Variants in LEKR1 observed in about 807,000 individuals in gnomAD.
LEKR1 encodes the protein protein LEKR1.
A neutral mutation model predicts 72.4 loss-of-function variants in LEKR1; 59 were observed. That is an observed-to-expected ratio of 0.82 (90% confidence interval 0.66 to 1.01). The LOEUF (loss-of-function observed/expected upper bound fraction) is 1.01, where lower values mean the gene tolerates loss of function less well. Ranked by LOEUF, LEKR1 falls within the 50% of genes least tolerant of loss-of-function variation. The pLI is 0.00. For missense variants in LEKR1, 728 were observed against 759.2 expected, an observed-to-expected ratio of 0.96 and a Z score of 0.48; for synonymous variants, 257 against 263.2, an observed-to-expected ratio of 0.98 and a Z score of 0.23.
chr3:157,031,277 G>C (rs1479699830), intron 12 of LEKR1, among the ~76,000 whole-genome samples: 1 of 152,096 alleles, frequency 6.6e-6, no homozygotes, highest in African/African-American at 2.4e-5. Context: ...AAAAAATGTG[G>C]ACTGAAAGAC....
At chr3:157,030,834 G>C (rs1286244031) in intron 12 of LEKR1, among the ~76,000 whole-genome samples, 1 of 152,148 alleles carries the variant, frequency 6.6e-6, no homozygotes, top group East Asian at 1.9e-4. Context: ...TTGGCCAGAG[G>C]CTTCCCTCAG....
intron 9 of LEKR1, among the ~76,000 whole-genome samples, chr3:156,996,546 A>G (rs1275569784): frequency 6.6e-6 from 1 of 152,228 alleles, no homozygotes; most frequent in Non-Finnish European, 1.5e-5. Context: ...ACACTGTAGA[A>G]AAATCATTCT....
At chr3:156,998,926 C>G (rs74535237) in intron 9 of LEKR1, among the ~76,000 whole-genome samples, 2,853 of 152,202 alleles carry the variant, frequency 0.019, 68 homozygotes, top group East Asian at 0.1. Flanking sequence ...TTGTAGTTCC[C>G]ATAATCCCCA....
intron 12 of LEKR1, among the ~76,000 whole-genome samples, chr3:157,031,921 C>A (rs1316978004): frequency 6.6e-6 from 1 of 151,888 alleles, no homozygotes; most frequent in Non-Finnish European, 1.5e-5. Context: ...GGAGGGCATC[C>A]CCAGAAACAG....
intron 9 of LEKR1, among the ~76,000 whole-genome samples, chr3:157,009,743 G>A (rs1480694022): frequency 6.6e-6 from 1 of 151,906 alleles, no homozygotes; most frequent in East Asian, 1.9e-4. Flanking sequence ...AGAAATCTAT[G>A]GTAGATTCTA....
At chr3:156,856,893 A>G (rs1446857601) in intron 3 of LEKR1, among the ~76,000 whole-genome samples, 2 of 152,010 alleles carry the variant, frequency 1.3e-5, no homozygotes, top group African/African-American at 4.8e-5. Flanking sequence ...CAATAGTTAT[A>G]CCCTTTTCCT....
At chr3:156,857,777 A>G (rs1716250986) in intron 3 of LEKR1, among the ~76,000 whole-genome samples, 1 of 152,212 alleles carries the variant, frequency 6.6e-6, no homozygotes, top group Non-Finnish European at 1.5e-5. Context: ...GTTCTTTTGA[A>G]ATAATGCTGC....
At chr3:156,995,689 G>A (rs1221045255) in intron 9 of LEKR1, among the ~76,000 whole-genome samples, 2 of 152,102 alleles carry the variant, frequency 1.3e-5, no homozygotes, top group East Asian at 1.9e-4. Flanking sequence ...AAAATTAGCC[G>A]GGCATGGGGG....
chr3:157,015,733 A>G lies in LEKR1; in HGVS notation c.1203+4227A>G, dbSNP rs1482865. 1.6e-4 allele frequency among the ~76,000 whole-genome samples: 24 copies of G among 152,326 alleles called. No homozygotes were observed. In the South Asian group the frequency reaches 3.9e-3, roughly 25 times the overall value. ...GGGCTCAAAATGAAAAGAAAAATCA[A>G]TAAATAAAAACTGACCCAGAAAGGC... On this transcript the variant is annotated intron_variant, in intron 10 of 12. Transcript: ENST00000356539.
chr3:156,933,556 G>A (rs935620416), intron 5 of LEKR1, among the ~76,000 whole-genome samples: 1 of 152,112 alleles, frequency 6.6e-6, no homozygotes, highest in East Asian at 1.9e-4. Flanking sequence ...TCTTGGTAAT[G>A]TTCTCATTTT....
chr3:157,011,272 G>C, intron 9 of LEKR1, 141 bp from the exon 10 acceptor site: 4 of 586,836 alleles, frequency 6.8e-6, no homozygotes, highest in Non-Finnish European at 1.2e-5. Flanking sequence ...TAGTTAAAAT[G>C]ATATGTAGTA....
At chr3:156,901,216 C>CT (rs1440719153) in intron 3 of LEKR1, among the ~76,000 whole-genome samples, 61 of 150,928 alleles carry the variant, frequency 4.0e-4, no homozygotes, top group South Asian at 1.0e-3. Context: ...CAACGTCATT[C>CT]CTTTTTTTTT....
At chr3:157,038,786 G>C (rs1735143131) in intron 12 of LEKR1, among the ~76,000 whole-genome samples, 1 of 152,228 alleles carries the variant, frequency 6.6e-6, no homozygotes, top group Non-Finnish European at 1.5e-5. Flanking sequence ...AGTAAGTACA[G>C]TATGTCCTCA....
chr3:156,951,538 G>A (rs1482314922), intron 6 of LEKR1, among the ~76,000 whole-genome samples: 1 of 151,324 alleles, frequency 6.6e-6, no homozygotes, highest in Admixed American at 6.6e-5. Context: ...AATTTCTGAT[G>A]TTGTTATTGG....
At chr3:156,895,900 C>T (rs1371620540) in intron 3 of LEKR1, among the ~76,000 whole-genome samples, 1 of 152,164 alleles carries the variant, frequency 6.6e-6, no homozygotes, top group East Asian at 1.9e-4. Flanking sequence ...TATAAAGACA[C>T]ATGCACGCAT....
At chr3:156,941,517 T>C (rs1726202659) in intron 5 of LEKR1, among the ~76,000 whole-genome samples, 1 of 152,106 alleles carries the variant, frequency 6.6e-6, no homozygotes, top group Non-Finnish European at 1.5e-5. Context: ...CTGGCCCACA[T>C]GGTTGCTGTT....
chr3:156,970,867 A>C (rs1729109718), intron 6 of LEKR1, among the ~76,000 whole-genome samples: 1 of 152,128 alleles, frequency 6.6e-6, no homozygotes, highest in African/African-American at 2.4e-5. Flanking sequence ...AGAACATTCC[A>C]TGCTCATGGG....
chr3:156,854,226 C>G, intron 3 of LEKR1, among the ~76,000 whole-genome samples: 1 of 149,778 alleles, frequency 6.7e-6, no homozygotes, highest in South Asian at 2.1e-4. Context: ...TCACTGCAGC[C>G]TCTGCCTTCC....
At chr3:157,040,684 T>A (rs1432025098) in intron 12 of LEKR1, among the ~76,000 whole-genome samples, 1 of 152,200 alleles carries the variant, frequency 6.6e-6, no homozygotes, top group Admixed American at 6.5e-5. Flanking sequence ...CCCACTCACC[T>A]TGGGATATAT....
Sources: gnomAD v4.1 joint callset for allele counts (sites outside exome capture counted in the v4.1 genomes callset) on GRCh38, gnomAD v4.1.1 for gene constraint, MANE v1.5 for transcripts, NCBI Gene and HGNC (gene_info 2026-07-23, HGNC 2026-07-21) for gene names.